The following PKN2 variants were observed in gnomAD, a reference collection of about 807,000 sequenced individuals.
The protein encoded by PKN2 is protein kinase N2, also known as serine/threonine-protein kinase N2.
A neutral mutation model predicts 119.1 loss-of-function variants in PKN2; 38 were observed. The observed-to-expected ratio is 0.32, with a 90% CI of 0.25 to 0.42. PKN2 has a LOEUF of 0.42. PKN2 is among the 10% of genes least tolerant of loss of function. The pLI, the probability that PKN2 is intolerant of heterozygous loss-of-function variation, is 1.00. For synonymous variants in PKN2, 390 were observed against 384.9 expected (o/e 1.01, Z -0.15); for missense variants, 850 against 1,165.1 (o/e 0.73, Z 3.94).
At chr1:88,785,573 C>T (rs2100830644) in intron 7 of PKN2, among the ~76,000 whole-genome samples, 1 of 152,052 alleles carries the variant, frequency 6.6e-6, no homozygotes, top group Non-Finnish European at 1.5e-5. Flanking sequence ...GAGTAAAATG[C>T]AAGAGGTTTG....
At chr1:88,694,904 A>G (rs1666474048) in intron 1 of PKN2, among the ~76,000 whole-genome samples, 1 of 152,164 alleles carries the variant, frequency 6.6e-6, no homozygotes, top group South Asian at 2.1e-4. Flanking sequence ...TTTGAAGGCC[A>G]AGGCGGGCAG....
At chr1:88,701,807 A>T (rs987484748) in intron 1 of PKN2, among the ~76,000 whole-genome samples, 1 of 152,230 alleles carries the variant, frequency 6.6e-6, no homozygotes, top group Non-Finnish European at 1.5e-5. Context: ...ACTATATCAG[A>T]AGTACTTATT....
At chr1:88,828,064 G>GTAAT (rs368083337) in intron 18 of PKN2, among the ~76,000 whole-genome samples, 45 of 152,050 alleles carry the variant, frequency 3.0e-4, no homozygotes, top group African/African-American at 1.0e-3. Flanking sequence ...GTCAGCTTCT[G>GTAAT]ATTATCCAAG....
intron 1 of PKN2, among the ~76,000 whole-genome samples, chr1:88,711,453 A>G (rs773145876): frequency 9.9e-5 from 15 of 152,176 alleles, no homozygotes; most frequent in Non-Finnish European, 1.9e-4. Flanking sequence ...CATGCTGTCA[A>G]TTGGAGTAGA....
intron 1 of PKN2, among the ~76,000 whole-genome samples, chr1:88,724,047 C>T (rs757817341): frequency 2.0e-5 from 3 of 152,228 alleles, no homozygotes; most frequent in Non-Finnish European, 4.4e-5. Flanking sequence ...GAAGGAGATA[C>T]TCAAGTCACT....
Position 88,770,437 on chromosome 1 carries a change from C to A in PKN2, c.590C>A (p.Ala197Glu), listed in dbSNP as rs35207128. Residue 197 changes from alanine to glutamate, a missense_variant, in exon 4 of 22, where the codon GCA (alanine) becomes GAA (glutamate). Ala to Glu is a moderately radical substitution (Grantham distance 107). Transcript: ENST00000370521. Reference protein sequence around the residue: ...IEVIRMQILQAVQTNELAFDN... With the variant: ...IEVIRMQILQEVQTNELAFDN... ...GTCATACGAATGCAGATTCTTCAGG[C>A]AGTCCAGACTAATGAATTGGCTTTT... is the stretch of plus-strand genomic sequence containing the variant. The A allele has an allele frequency of 4.9e-4, 788 of 1,608,652 alleles. 8 individuals carry two copies. The East Asian group carries it at 0.015, about 30-fold the overall frequency.
At chr1:88,733,706 G>T (rs1326425554) in intron 1 of PKN2, among the ~76,000 whole-genome samples, 1 of 152,152 alleles carries the variant, frequency 6.6e-6, no homozygotes, top group East Asian at 1.9e-4. Context: ...TGTCTATACA[G>T]GTTAAATATC....
chr1:88,789,714 A>G (rs1055791136), intron 8 of PKN2, among the ~76,000 whole-genome samples: 3 of 151,640 alleles, frequency 2.0e-5, no homozygotes, highest in African/African-American at 7.3e-5. Context: ...ATAAGATTAT[A>G]AGAACCCAAG....
At chr1:88,725,747 G>A (rs758878572) in intron 1 of PKN2, among the ~76,000 whole-genome samples, 2 of 151,984 alleles carry the variant, frequency 1.3e-5, no homozygotes, top group Non-Finnish European at 2.9e-5. Flanking sequence ...GATCTTTTTT[G>A]TTTGTTTGCT....
Position 88,741,887 on chromosome 1 carries a change from A to G in PKN2, c.349+599A>G, listed in dbSNP as rs139024906. Among the ~76,000 whole-genome samples the G allele has an allele frequency of 2.0e-4, 30 of 152,240 alleles. No homozygotes were observed. In the East Asian group the frequency reaches 5.8e-3, roughly 29 times the overall value. On this transcript the variant is annotated intron_variant, in intron 2 of 21. Coordinates refer to ENST00000370521, the MANE Select transcript of PKN2 (RefSeq NM_006256.4). ...AATATAAAAACATAATTTTTAAACA[A>G]TAGAATTAATAAATATTTATGTTGG...
rs555161264 is a variant in PKN2, at chr1:88,730,989, T to C, written c.49-9999T>C. ...CAAAACAAACAAACAAAAAACACAA[T>C]ATGGCCTACATTTGTGTGAAGCCTT... On this transcript the variant is annotated intron_variant, in intron 1 of 21. Transcript: ENST00000370521. Among the ~76,000 whole-genome samples the C allele has an allele frequency of 8.5e-4, 130 of 152,360 alleles. 1 individual carries two copies. Among genetic ancestry groups the C allele is most frequent in the Non-Finnish European group, 1.5e-3 (103 of 68,028 alleles).
intron 1 of PKN2, among the ~76,000 whole-genome samples, chr1:88,722,851 T>C (rs961928595): frequency 3.3e-5 from 5 of 151,696 alleles, no homozygotes; most frequent in Admixed American, 1.3e-4. Context: ...GACATAGTAG[T>C]GAGCAAGAAA....
chr1:88,743,908 G>A (rs1336536332), intron 2 of PKN2, among the ~76,000 whole-genome samples: 1 of 150,418 alleles, frequency 6.6e-6, no homozygotes, highest in Non-Finnish European at 1.5e-5. Context: ...TAATTGGAGG[G>A]CAGATGATAT....
intron 6 of PKN2, among the ~76,000 whole-genome samples, chr1:88,773,938 T>G (rs1040370655): frequency 6.6e-6 from 1 of 151,610 alleles, no homozygotes; most frequent in Non-Finnish European, 1.5e-5. Flanking sequence ...AAATTTAGAG[T>G]TTCCAAGGCT....
At chr1:88,826,750 T>C (rs11799801) in intron 18 of PKN2, among the ~76,000 whole-genome samples, 10,151 of 152,180 alleles carry the variant, frequency 0.067, 696 homozygotes, top group African/African-American at 0.18. Context: ...CAGGTATTTA[T>C]TAATCTAGAG....
intron 1 of PKN2, among the ~76,000 whole-genome samples, chr1:88,730,344 G>A (rs1668097050): frequency 6.6e-6 from 1 of 152,196 alleles, no homozygotes; most frequent in Non-Finnish European, 1.5e-5. Context: ...AAGGTAGCCA[G>A]TCTAGGGCTT....
At position 88,741,273 on chromosome 1, in the gene PKN2, C is replaced by T. The variant is rs372785607; in HGVS notation, c.334C>T (p.Pro112Ser). 1 of 1,573,808 alleles carries T rather than the reference C, an allele frequency of 6.4e-7. No homozygotes were observed. Among genetic ancestry groups the T allele is most frequent in the South Asian group, 1.2e-5 (1 of 83,470 alleles). Residue 112 changes from proline to serine, a missense_variant, in exon 2 of 22, where the codon CCA becomes TCA. This residue lies in a region of PKN2 where 350 missense variants were observed against 511.1 expected (regional missense o/e 0.68). Transcript: ENST00000370521. ...AAATGCACATATTGTTGTATCAGAT[C>T]CAGAAGATATTACAGGTATAGTAGT... ...ELNAHIVVSD[P>S]EDITDCPRTP...
chr1:88,786,505 C>G (rs770202403), intron 8 of PKN2, among the ~76,000 whole-genome samples: 1 of 152,066 alleles, frequency 6.6e-6, no homozygotes, highest in Non-Finnish European at 1.5e-5. Flanking sequence ...GATCTTAATG[C>G]GCTAACAGCT....
chr1:88,816,486 A>G (rs1671999676), intron 16 of PKN2, among the ~76,000 whole-genome samples: 1 of 152,132 alleles, frequency 6.6e-6, no homozygotes, highest in African/African-American at 2.4e-5. Context: ...ACCTCAGGTG[A>G]TCTGCCTGCC....
Sources: allele counts gnomAD v4.1 joint callset (sites outside exome capture counted in the v4.1 genomes callset), GRCh38; gene constraint gnomAD v4.1.1; regional missense constraint gnomAD v4.1.1; transcripts MANE v1.5; gene names NCBI Gene and HGNC (gene_info 2026-07-23, HGNC 2026-07-21).